HOMER2: variants seen among roughly 807,000 people sequenced by gnomAD.
The protein encoded by HOMER2 is homer scaffold protein 2.
In HOMER2, 27 loss-of-function variants were observed where a neutral mutation model predicts 47.0. The ratio of observed to expected loss-of-function variants is 0.57; its 90% CI spans 0.42 to 0.79. The LOEUF is 0.79. HOMER2 is among the 30% of genes least tolerant of loss of function. HOMER2 has a pLI of 0.00. For missense variants in HOMER2, 443 were observed against 435.0 expected, an observed-to-expected ratio of 1.02 and a Z score of -0.16; for synonymous variants, 161 against 163.8, an observed-to-expected ratio of 0.98 and a Z score of 0.13.
intron 1 of HOMER2, among the ~76,000 whole-genome samples, chr15:82,916,137 A>G (rs980449515): frequency 6.6e-5 from 10 of 152,174 alleles, no homozygotes; most frequent in African/African-American, 1.7e-4. Flanking sequence ...CTTGCCTCAG[A>G]GGAAACAAAA....
intron 1 of HOMER2, among the ~76,000 whole-genome samples, chr15:82,977,013 A>T (rs2030230420): frequency 6.6e-6 from 1 of 151,882 alleles, no homozygotes; most frequent in East Asian, 1.9e-4. Flanking sequence ...TCACTCCTCC[A>T]ACACTAAGCC....
rs933497787 is a variant in HOMER2, at chr15:82,915,034, G to A, written c.6-22193C>T. Among the ~76,000 whole-genome samples the A allele has an allele frequency of 1.3e-4, 20 of 152,004 alleles. 1 individual carries two copies. Among genetic ancestry groups the A allele is most frequent in the Non-Finnish European group, 2.8e-4 (19 of 68,004 alleles). ...CAAAAAATACAAAAACTAGCTGGGT[G>A]TGATGGTGTGTGCCTGTAGTCCCAG... On this transcript the variant is annotated intron_variant, in intron 1 of 8. Coordinates refer to ENST00000450735, the MANE Select transcript of HOMER2 (RefSeq NM_004839.4).
intron 1 of HOMER2, among the ~76,000 whole-genome samples, chr15:82,945,925 G>A (rs927067459): frequency 7.3e-5 from 11 of 151,640 alleles, no homozygotes; most frequent in Non-Finnish European, 8.8e-5. Context: ...AGCCGAAATC[G>A]CACCACTGCA....
At chr15:82,955,316 C>T (rs932844136), upstream of HOMER2, among the ~76,000 whole-genome samples, 10 of 152,006 alleles carry the variant, frequency 6.6e-5, no homozygotes, top group African/African-American at 2.4e-4. Flanking sequence ...GCTACAAGCG[C>T]ATGCCACCAC....
chr15:82,862,346 G>T (rs1255813839), intron 4 of HOMER2, among the ~76,000 whole-genome samples: 1 of 152,110 alleles, frequency 6.6e-6, no homozygotes, highest in Non-Finnish European at 1.5e-5. Context: ...TATTTTTAAG[G>T]TTTAAAATAC....
intron 1 of HOMER2, among the ~76,000 whole-genome samples, chr15:82,917,982 C>T (rs552782297): frequency 6.6e-6 from 1 of 152,214 alleles, no homozygotes; most frequent in Non-Finnish European, 1.5e-5. Flanking sequence ...CCCTGCAGGA[C>T]TGGGTCAGCC....
chr15:82,952,919 T>G (rs1421642726), upstream of HOMER2, among the ~76,000 whole-genome samples: 1 of 152,012 alleles, frequency 6.6e-6, no homozygotes, highest in African/African-American at 2.4e-5. Context: ...CACCCAGTCC[T>G]CGGTGCCGGC....
intron 4 of HOMER2, among the ~76,000 whole-genome samples, chr15:82,860,459 C>T (rs1005456082): frequency 4.6e-5 from 7 of 151,960 alleles, no homozygotes; most frequent in Non-Finnish European, 8.8e-5. Flanking sequence ...CAGGAAGGTC[C>T]ATTATACAAT....
chr15:82,945,927 A>G (rs941504188), intron 1 of HOMER2, among the ~76,000 whole-genome samples: 1 of 151,902 alleles, frequency 6.6e-6, no homozygotes, highest in African/African-American at 2.4e-5. Context: ...CCGAAATCGC[A>G]CCACTGCACT....
intron 1 of HOMER2, among the ~76,000 whole-genome samples, chr15:82,930,166 G>A (rs1033556238): frequency 1.3e-5 from 2 of 152,152 alleles, no homozygotes; most frequent in Admixed American, 6.5e-5. Context: ...CCTCAGGGTC[G>A]GACCACACAC....
intron 6 of HOMER2, 142 bp from the exon 7 acceptor site, chr15:82,852,394 A>C: frequency 1.6e-6 from 1 of 632,666 alleles, no homozygotes; most frequent in Non-Finnish European, 2.7e-6. Flanking sequence ...TGTGGCTATG[A>C]ACAAACCCCA....
intron 2 of HOMER2, among the ~76,000 whole-genome samples, chr15:82,889,922 G>T (rs940769951): frequency 6.6e-6 from 1 of 152,204 alleles, no homozygotes; most frequent in Non-Finnish European, 1.5e-5. Context: ...AATGCCAACT[G>T]TAGTAATTAA....
chr15:82,904,403 A>AG (rs1476315465), intron 1 of HOMER2, among the ~76,000 whole-genome samples: 2 of 152,228 alleles, frequency 1.3e-5, no homozygotes, highest in South Asian at 4.1e-4. Context: ...ATCCAATCAT[A>AG]GGGGGGCCTG....
chr15:82,940,393 G>T (rs188003079), intron 1 of HOMER2, among the ~76,000 whole-genome samples: 1 of 152,280 alleles, frequency 6.6e-6, no homozygotes, highest in East Asian at 1.9e-4. Flanking sequence ...TTGCTCAGGA[G>T]ATCAAGACCA....
At chr15:82,974,183 T>C (rs2030115397) in intron 1 of HOMER2, among the ~76,000 whole-genome samples, 1 of 151,812 alleles carries the variant, frequency 6.6e-6, no homozygotes, top group Non-Finnish European at 1.5e-5. Context: ...GGCGGGTGGA[T>C]CACCTGAGGT....
intron 3 of HOMER2, among the ~76,000 whole-genome samples, chr15:82,872,352 A>G (rs1309832284): frequency 6.6e-6 from 1 of 151,742 alleles, no homozygotes; most frequent in Non-Finnish European, 1.5e-5. Flanking sequence ...ATCACCCCAG[A>G]ATCTCTTCTT....
At chr15:82,971,879 T>C in intron 1 of HOMER2, among the ~76,000 whole-genome samples, 1 of 152,200 alleles carries the variant, frequency 6.6e-6, no homozygotes, top group East Asian at 1.9e-4. Flanking sequence ...AAGGTAGATG[T>C]CTGGACACTA....
At chr15:82,950,277 G>C (rs1334377327) in intron 1 of HOMER2, among the ~76,000 whole-genome samples, 5 of 152,198 alleles carry the variant, frequency 3.3e-5, no homozygotes, top group Non-Finnish European at 5.9e-5. Context: ...ACTTAACACA[G>C]AACACTTCGC....
chr15:82,901,380 G>C (rs2053112141), intron 1 of HOMER2, among the ~76,000 whole-genome samples: 1 of 152,182 alleles, frequency 6.6e-6, no homozygotes, highest in Admixed American at 6.5e-5. Context: ...TGAGTGAAGT[G>C]AAGGGGAAGT....
Sources: allele counts gnomAD v4.1 joint callset (sites outside exome capture counted in the v4.1 genomes callset), GRCh38; gene constraint gnomAD v4.1.1; transcripts MANE v1.5; gene names NCBI Gene and HGNC (gene_info 2026-07-23, HGNC 2026-07-21).